The following FAM193A variants were observed in gnomAD, a reference collection of about 807,000 sequenced individuals.
The protein encoded by FAM193A is protein FAM193A.
In FAM193A, 22 loss-of-function variants were observed where a neutral mutation model predicts 126.5. The observed-to-expected ratio is 0.17, with a 90% CI of 0.12 to 0.25. FAM193A has a LOEUF of 0.25. Among genes scored for constraint, FAM193A ranks in the 10% least tolerant of loss-of-function variants. The pLI is 1.00. For missense variants in FAM193A, 1,675 were observed against 1,672.8 expected (o/e 1.00, Z -0.02); for synonymous variants, 761 against 646.8 (o/e 1.18, Z -2.68).
rs1354633232 is a variant in FAM193A at position 2,672,375 on chromosome 4, A to G, written c.2331+3A>G. On this transcript the variant is annotated splice_donor_region_variant and intron_variant, in intron 13 of 20. Transcript: ENST00000637812. ...CGCCCCCCTTCACACACAGTAAGGT[A>G]AGTCAGGGCAAAAAGGGTCTGAAAG... 1 of 1,613,700 alleles carries G rather than the reference A, an allele frequency of 6.2e-7. No homozygotes were observed. The highest frequency in any genetic ancestry group is 1.1e-5 in the South Asian group (1 of 91,050).
chr4:2,545,936 T>G (rs1191317056), intron 1 of FAM193A, among the ~76,000 whole-genome samples: 1 of 151,980 alleles, frequency 6.6e-6, no homozygotes. Flanking sequence ...GATTATGAGG[T>G]CAGGAGTTTG....
intron 13 of FAM193A, among the ~76,000 whole-genome samples, chr4:2,680,757 T>A (rs1715012643): frequency 6.6e-6 from 1 of 152,264 alleles, no homozygotes; most frequent in South Asian, 2.1e-4. Flanking sequence ...TTCTCCTGCC[T>A]CAGCCTCCCA....
chr4:2,638,963 A>G (rs948984504), intron 5 of FAM193A, among the ~76,000 whole-genome samples: 4 of 152,214 alleles, frequency 2.6e-5, no homozygotes, highest in African/African-American at 9.7e-5. Context: ...AGTCAGGAAC[A>G]TTCACCCAAA....
chr4:2,582,284 T>G (rs1191325892), intron 1 of FAM193A, among the ~76,000 whole-genome samples: 1 of 152,132 alleles, frequency 6.6e-6, no homozygotes, highest in Non-Finnish European at 1.5e-5. Context: ...CCCAAGTAGC[T>G]GAGACCACAA....
intron 20 of FAM193A, among the ~76,000 whole-genome samples, chr4:2,731,196 C>CA (rs546217602): frequency 0.096 from 8,307 of 86,090 alleles, 1,118 homozygotes; most frequent in Non-Finnish European, 0.11. Flanking sequence ...AACTCCTTCT[C>CA]AAAAAAAAAA....
At chr4:2,671,678 ACTGACCTCTTCACTCCACCGT>A (rs1417231397) in intron 12 of FAM193A, among the ~76,000 whole-genome samples, 3 of 152,214 alleles carry the variant, frequency 2.0e-5, no homozygotes, top group Admixed American at 6.5e-5. Context: ...GAAAGGAGCC[ACTGACCTCTTCACTCCACCGT>A]AACCGGAAGT....
At chr4:2,690,456 C>T (rs1716238457) in intron 14 of FAM193A, among the ~76,000 whole-genome samples, 1 of 152,194 alleles carries the variant, frequency 6.6e-6, no homozygotes, top group Non-Finnish European at 1.5e-5. Flanking sequence ...GTACCAACCT[C>T]AGAAAGTAAT....
intron 19 of FAM193A, among the ~76,000 whole-genome samples, chr4:2,704,970 G>A (rs1231112898): frequency 1.3e-5 from 2 of 152,164 alleles, no homozygotes; most frequent in Non-Finnish European, 2.9e-5. Flanking sequence ...GGAGTGCAGT[G>A]GCGCGATCTC....
At chr4:2,650,892 G>C (rs1176011799) in intron 7 of FAM193A, among the ~76,000 whole-genome samples, 1 of 152,212 alleles carries the variant, frequency 6.6e-6, no homozygotes, top group Non-Finnish European at 1.5e-5. Context: ...AGAGAACGCT[G>C]TCTCAGGGCC....
intron 1 of FAM193A, among the ~76,000 whole-genome samples, chr4:2,547,504 G>A (rs2108812841): frequency 6.6e-6 from 1 of 152,164 alleles, no homozygotes; most frequent in African/African-American, 2.4e-5. Flanking sequence ...CTCCCACCTT[G>A]GCTTCCCAGT....
At chr4:2,603,451 A>AT (rs71178489) in intron 2 of FAM193A, among the ~76,000 whole-genome samples, 3,439 of 99,256 alleles carry the variant, frequency 0.035, 104 homozygotes, top group South Asian at 0.083. Flanking sequence ...CGCCCAGCTA[A>AT]TTTTTTTTTT....
intron 1 of FAM193A, among the ~76,000 whole-genome samples, chr4:2,548,270 C>T (rs974056168): frequency 6.6e-6 from 1 of 151,746 alleles, no homozygotes; most frequent in Admixed American, 6.6e-5. Context: ...GGGGCTTCAC[C>T]ATGTTGGCCA....
intron 1 of FAM193A, among the ~76,000 whole-genome samples, chr4:2,562,584 A>G (rs1738686473): frequency 6.6e-6 from 1 of 151,810 alleles, no homozygotes; most frequent in East Asian, 1.9e-4. Flanking sequence ...AAGGCATTGA[A>G]CTTTACAAAA....
chr4:2,638,141 C>T (rs1231293295), intron 5 of FAM193A, among the ~76,000 whole-genome samples: 1 of 152,242 alleles, frequency 6.6e-6, no homozygotes, highest in Non-Finnish European at 1.5e-5. Context: ...CCTCCCTCAG[C>T]TAGTTGCCAA....
chr4:2,595,495 T>C (rs1740805195), intron 1 of FAM193A, among the ~76,000 whole-genome samples: 1 of 152,222 alleles, frequency 6.6e-6, no homozygotes, highest in African/African-American at 2.4e-5. Context: ...TGCCCCACAT[T>C]GTAGGACCTA....
chr4:2,651,760 T>TC (rs1553902534), intron 7 of FAM193A, among the ~76,000 whole-genome samples: 1 of 152,204 alleles, frequency 6.6e-6, no homozygotes, highest in Non-Finnish European at 1.5e-5. Context: ...TCGCTGCCTG[T>TC]CCTCAGGACA....
At chr4:2,696,320 C>T in intron 17 of FAM193A, 43 bp from the exon 18 acceptor site, 1 of 1,369,456 alleles carries the variant, frequency 7.3e-7, no homozygotes, top group Non-Finnish European at 1.0e-6. Context: ...TTATTATATT[C>T]AAAATTTTTA....
intron 15 of FAM193A, among the ~76,000 whole-genome samples, chr4:2,691,726 G>C (rs1195449636): frequency 6.6e-6 from 1 of 150,554 alleles, no homozygotes; most frequent in Non-Finnish European, 1.5e-5. Flanking sequence ...GGTTGCTTAA[G>C]CCTGGGAGTT....
intron 7 of FAM193A, among the ~76,000 whole-genome samples, chr4:2,651,380 A>G (rs538673036): frequency 6.6e-6 from 1 of 152,306 alleles, no homozygotes; most frequent in South Asian, 2.1e-4. Context: ...GGTAATTTAT[A>G]AAGAACAGAG....
Sources: gnomAD v4.1 joint callset for allele counts (sites outside exome capture counted in the v4.1 genomes callset) on GRCh38, gnomAD v4.1.1 for gene constraint, MANE v1.5 for transcripts, NCBI Gene and HGNC (gene_info 2026-07-23, HGNC 2026-07-21) for gene names.